Variants in PKIB observed in about 807,000 individuals in gnomAD.
PKIB encodes the protein cAMP-dependent protein kinase inhibitor beta.
In PKIB, 2 loss-of-function variants were observed where a neutral mutation model predicts 4.5. That is an observed-to-expected ratio of 0.44 (90% CI 0.18 to 1.39). PKIB has a LOEUF of 1.39. Ranked by LOEUF, PKIB falls within the 40% of genes most tolerant of loss-of-function variation. The pLI, the probability that PKIB is intolerant of heterozygous loss-of-function variation, is 0.27. For synonymous variants in PKIB, 38 were observed against 36.0 expected (o/e 1.06, Z -0.20); for missense variants, 94 against 92.6 (o/e 1.02, Z -0.06).
chr6:122,647,600 T>C (rs548081688), intron 2 of PKIB, among the ~76,000 whole-genome samples: 22 of 152,356 alleles, frequency 1.4e-4, no homozygotes, highest in African/African-American at 4.8e-4. Flanking sequence ...CATTCACTGT[T>C]CTCCTTGACA....
chr6:122,647,756 A>G (rs1204241933), intron 2 of PKIB, among the ~76,000 whole-genome samples: 1 of 152,250 alleles, frequency 6.6e-6, no homozygotes, highest in Non-Finnish European at 1.5e-5. Flanking sequence ...CTTAAAATTT[A>G]CAGAATTGCT....
chr6:122,562,699 G>T (rs141735283), intron 2 of PKIB, among the ~76,000 whole-genome samples: 1 of 152,092 alleles, frequency 6.6e-6, no homozygotes, highest in Non-Finnish European at 1.5e-5. Context: ...TAATTAGAAG[G>T]CTTTGTCTTC....
At chr6:122,525,850 T>A (rs1190269307) in intron 2 of PKIB, among the ~76,000 whole-genome samples, 2 of 152,200 alleles carry the variant, frequency 1.3e-5, no homozygotes, top group Non-Finnish European at 2.9e-5. Flanking sequence ...GCTATCTCAA[T>A]TGACTCTTTC....
rs574040192 is a variant in PKIB, at chr6:122,669,209, G to GT, written c.-75-5860dup. Reference sequence around the variant, plus strand: ...AGAATGTCATAGGTATCTGTTGGGTGTTTTTTTTTCTCTTGGAATTCTGGA... The same window carrying GT: ...AGAATGTCATAGGTATCTGTTGGGTGTTTTTTTTTTCTCTTGGAATTCTGGA... On this transcript the variant is annotated intron_variant, in intron 2 of 4. Transcript: ENST00000368452. Among the ~76,000 whole-genome samples the GT allele has an allele frequency of 4.8e-4, 72 of 150,960 alleles. No individual in the cohort carries two copies. In the East Asian group the frequency reaches 8.3e-3, roughly 18 times the overall value.
intron 2 of PKIB, among the ~76,000 whole-genome samples, chr6:122,651,763 G>T (rs1372624347): frequency 6.6e-6 from 1 of 152,134 alleles, no homozygotes; most frequent in East Asian, 1.9e-4. Context: ...AGACACAGAA[G>T]TATTCAGGTT....
At chr6:122,673,140 T>C (rs1214377915) in intron 2 of PKIB, among the ~76,000 whole-genome samples, 2 of 150,180 alleles carry the variant, frequency 1.3e-5, no homozygotes. Flanking sequence ...ATTTTGGTTG[T>C]GTTGCAATAG....
intron 2 of PKIB, among the ~76,000 whole-genome samples, chr6:122,526,192 T>A (rs1777089424): frequency 1.3e-5 from 2 of 152,186 alleles, no homozygotes; most frequent in Non-Finnish European, 2.9e-5. Flanking sequence ...ACCACTTTTT[T>A]AGTTATTTCC....
At chr6:122,551,874 CTTTTTTT>C (rs61025863) in intron 2 of PKIB, among the ~76,000 whole-genome samples, 289 of 87,514 alleles carry the variant, frequency 3.3e-3, no homozygotes, top group African/African-American at 0.012. Context: ...CTTAGTACAT[CTTTTTTT>C]TTTTTTTTTT....
At chr6:122,535,908 C>A (rs1777392195) in intron 2 of PKIB, among the ~76,000 whole-genome samples, 1 of 152,124 alleles carries the variant, frequency 6.6e-6, no homozygotes. Context: ...CTGTGAACAT[C>A]ATGACACTCT....
rs188366601 is a variant in PKIB at position 122,683,553 on chromosome 6, T to G, written c.-9+8409T>G. On this transcript the variant is annotated intron_variant, in intron 3 of 4. Coordinates refer to ENST00000368452, the MANE Select transcript of PKIB (RefSeq NM_181795.3). The stretch of plus-strand genomic sequence containing the variant: ...GGTGGGGACAAATATCCAAATTACA[T>G]CAGACGTCAATGAGTACAACTTTGA... Among the ~76,000 whole-genome samples the G allele has an allele frequency of 2.0e-5, 3 of 152,272 alleles. No individual in the cohort carries two copies. The East Asian group carries it at 5.8e-4, about 29-fold the overall frequency.
intron 2 of PKIB, among the ~76,000 whole-genome samples, chr6:122,528,797 T>G (rs1777170647): frequency 6.6e-6 from 1 of 152,066 alleles, no homozygotes; most frequent in Non-Finnish European, 1.5e-5. Flanking sequence ...GAGACCAAAC[T>G]TAGGATTTTG....
chr6:122,538,587 T>C (rs1315261706), intron 2 of PKIB, among the ~76,000 whole-genome samples: 2 of 152,112 alleles, frequency 1.3e-5, no homozygotes, highest in African/African-American at 4.8e-5. Flanking sequence ...TGTAGCCTTG[T>C]AGTATAGTTT....
chr6:122,722,451 T>G (rs796630655), intron 4 of PKIB, among the ~76,000 whole-genome samples: 10 of 152,306 alleles, frequency 6.6e-5, no homozygotes, highest in African/African-American at 2.4e-4. Context: ...AGATAACAAC[T>G]TAAGGGGACT....
At chr6:122,615,631 A>C (rs1185360187) in intron 1 of PKIB, among the ~76,000 whole-genome samples, 5 of 152,158 alleles carry the variant, frequency 3.3e-5, no homozygotes, top group Non-Finnish European at 5.9e-5. Flanking sequence ...CTACATATGC[A>C]ATTAGCTAGG....
At chr6:122,559,680 A>T (rs1180300560) in intron 2 of PKIB, among the ~76,000 whole-genome samples, 3 of 152,088 alleles carry the variant, frequency 2.0e-5, no homozygotes, top group African/African-American at 7.2e-5. Flanking sequence ...CATGAGCATG[A>T]GATGTGTTTC....
intron 2 of PKIB, among the ~76,000 whole-genome samples, chr6:122,529,754 A>G (rs1777199967): frequency 6.6e-6 from 1 of 152,106 alleles, no homozygotes; most frequent in African/African-American, 2.4e-5. Flanking sequence ...TGAATGAATT[A>G]TTCTACTTCC....
rs549583866 is a variant in PKIB, at chr6:122,561,172, G to A, written c.-247-24749G>A. 1.1e-4 allele frequency among the ~76,000 whole-genome samples: 16 copies of A among 150,474 alleles called. No homozygotes were observed. The South Asian group carries it at 1.2e-3, about 12-fold the overall frequency. On this transcript the variant is annotated intron_variant, in intron 2 of 6. Transcript: ENST00000392491. Reference sequence around the variant, plus strand: ...CACTTTCAGTCTTTTTGATGTAGGCGCTTAGGGCTATGTACTTTCCTCTTA... The same window carrying A: ...CACTTTCAGTCTTTTTGATGTAGGCACTTAGGGCTATGTACTTTCCTCTTA...
At chr6:122,574,046 C>G (rs1003693459) in intron 2 of PKIB, among the ~76,000 whole-genome samples, 3 of 152,196 alleles carry the variant, frequency 2.0e-5, no homozygotes, top group Non-Finnish European at 4.4e-5. Context: ...CAAAAAGCTC[C>G]TGCATTTGAT....
At chr6:122,599,956 G>A (rs1774303862) in intron 3 of PKIB, among the ~76,000 whole-genome samples, 1 of 151,842 alleles carries the variant, frequency 6.6e-6, no homozygotes, top group Non-Finnish European at 1.5e-5. Context: ...TTATTTTACA[G>A]GGACAGAACT....
Sources: allele counts gnomAD v4.1 joint callset (sites outside exome capture counted in the v4.1 genomes callset), GRCh38; gene constraint gnomAD v4.1.1; transcripts MANE v1.5; gene names NCBI Gene and HGNC (gene_info 2026-07-23, HGNC 2026-07-21).